Variants in ABHD2 observed in about 807,000 individuals in gnomAD.
ABHD2 encodes the protein abhydrolase domain containing 2, acylglycerol lipase.
Under a neutral mutation model 48.1 loss-of-function variants are expected in ABHD2, and 20 were observed. That is an observed-to-expected ratio of 0.42 (90% CI 0.29 to 0.60). ABHD2 has a LOEUF of 0.60. Ranked by LOEUF, ABHD2 falls within the 20% of genes least tolerant of loss-of-function variation. The pLI is 0.24. For synonymous variants in ABHD2, 209 were observed against 214.2 expected (o/e 0.98, Z 0.21); for missense variants, 405 against 550.9 (o/e 0.74, Z 2.65).
the ABHD2 span, among the ~76,000 whole-genome samples, chr15:89,044,693 A>G: frequency 6.6e-6 from 1 of 151,944 alleles, no homozygotes; most frequent in African/African-American, 2.4e-5. Context: ...TTGGCTGCAT[A>G]AATGTCTTCT....
At chr15:89,148,805 C>T (rs2050541072) in intron 3 of ABHD2, among the ~76,000 whole-genome samples, 1 of 152,234 alleles carries the variant, frequency 6.6e-6, no homozygotes, top group South Asian at 2.1e-4. Context: ...CGAACTACCA[C>T]ATAGATAGAA....
intron 3 of ABHD2, chr15:89,135,534 A>G: frequency 7.4e-7 from 1 of 1,351,942 alleles, no homozygotes; most frequent in East Asian, 2.3e-5. Context: ...AAACTACACT[A>G]GAACCAACTT....
intron 1 of ABHD2, among the ~76,000 whole-genome samples, chr15:89,099,254 A>G (rs2049662530): frequency 6.6e-6 from 1 of 152,238 alleles, no homozygotes; most frequent in Admixed American, 6.5e-5. Flanking sequence ...CGATAGAGCT[A>G]CACAAATAGG....
the ABHD2 span, among the ~76,000 whole-genome samples, chr15:89,043,454 G>GAGGAGGAGA: frequency 4.2e-3 from 599 of 143,904 alleles, 2 homozygotes; most frequent in Non-Finnish European, 4.7e-3. Context: ...GAAGGAGGAG[G>GAGGAGGAGA]AGGAGAAGGA....
In ABHD2 at chr15:89,151,654, G is replaced by A; in HGVS notation, c.195-23G>A. 1 of 1,584,392 alleles carries A rather than the reference G, an allele frequency of 6.3e-7. No individual in the cohort carries two copies. Among genetic ancestry groups the A allele is most frequent in the Non-Finnish European group, 8.6e-7 (1 of 1,162,800 alleles). On this transcript the variant is annotated intron_variant, in intron 3 of 10. Transcript: ENST00000352732. The surrounding 1 kb of genome is among the most constrained non-coding windows in gnomAD (Gnocchi z 4.7). ...TTGCTCAAGGAATGTAGAGAAAATTGACCTCCCTTGTCCTTTCTTTAGATA... is the reference window on the plus strand; with the variant it reads ...TTGCTCAAGGAATGTAGAGAAAATTAACCTCCCTTGTCCTTTCTTTAGATA...
chr15:89,088,511 C>G lies in ABHD2; in HGVS notation c.-159C>G, dbSNP rs960919529. On this transcript the variant is annotated 5_prime_UTR_variant, in exon 1 of 11. Transcript: ENST00000352732. The surrounding 1 kb of genome is among the most constrained non-coding windows in gnomAD (Gnocchi z 6.8). ...ATGAGCGCCGCTGGCAGCCGGGGAG[C>G]TGCAGGAACCAGACTGGGGGCGAGC... 6.5e-6 allele frequency: 1 copy of G among 152,688 alleles called. No homozygotes were observed. The highest frequency in any genetic ancestry group is 2.4e-5 in the African/African-American group (1 of 41,476). 9.5% of individuals were successfully genotyped at this position (152,688 alleles called of 1,614,324 possible).
At chr15:89,076,338 A>C in the ABHD2 span, among the ~76,000 whole-genome samples, 28 of 152,368 alleles carry the variant, frequency 1.8e-4, no homozygotes, top group South Asian at 4.8e-3. Context: ...CTTGTGGAGC[A>C]AATGCCAGAC....
chr15:89,150,203 A>G (rs529086802), intron 3 of ABHD2, among the ~76,000 whole-genome samples: 2 of 152,344 alleles, frequency 1.3e-5, no homozygotes, highest in Non-Finnish European at 1.5e-5. Flanking sequence ...CTTTTAATTT[A>G]TAAACAAAAT....
chr15:89,140,936 G>A (rs1445834709), intron 3 of ABHD2, among the ~76,000 whole-genome samples: 1 of 151,854 alleles, frequency 6.6e-6, no homozygotes, highest in African/African-American at 2.4e-5. Flanking sequence ...GGGATGCTCA[G>A]GGCATAACTT....
chr15:89,061,451 G>C, the ABHD2 span, among the ~76,000 whole-genome samples: 1 of 152,002 alleles, frequency 6.6e-6, no homozygotes, highest in Non-Finnish European at 1.5e-5. Context: ...ACTACCTACT[G>C]GGTACAATGT....
the ABHD2 span, among the ~76,000 whole-genome samples, chr15:89,043,423 C>G: frequency 6.8e-6 from 1 of 146,098 alleles, no homozygotes; most frequent in African/African-American, 2.5e-5. Flanking sequence ...AAGACCCTAT[C>G]TCTTTTTTAA....
At chr15:89,075,135 A>C in the ABHD2 span, among the ~76,000 whole-genome samples, 75 of 152,348 alleles carry the variant, frequency 4.9e-4, no homozygotes, top group African/African-American at 1.8e-3. This position sits in a 1 kb window ranked among gnomAD's most constrained non-coding sequence, Gnocchi z 4.1. Context: ...ACAAAGAGGA[A>C]TAAGTCACCC....
chr15:89,161,174 G>C (rs2050756565), intron 5 of ABHD2, among the ~76,000 whole-genome samples: 1 of 152,038 alleles, frequency 6.6e-6, no homozygotes, highest in African/African-American at 2.4e-5. Context: ...GTTTTTCAGA[G>C]CCACAGATAC....
At position 89,116,342 on chromosome 15, in the gene ABHD2, G is replaced by T; in HGVS notation, c.15G>T (p.Leu5=). 2 of 1,613,928 alleles carry T rather than the reference G, an allele frequency of 1.2e-6. No homozygotes were observed. The highest frequency in any genetic ancestry group is 1.7e-6 in the Non-Finnish European group (2 of 1,179,856). ...CCCAGATCAAGATGAATGCCATGCT[G>T]GAGACTCCCGAACTCCCAGCCGTGT... The part of the protein sequence containing the change: MNAM[L]ETPELPAVFD... Residue 5 remains leucine, a synonymous_variant, in exon 3 of 11, where the codon CTG becomes CTT. Coordinates refer to ENST00000352732, the MANE Select transcript of ABHD2 (RefSeq NM_152924.5). The surrounding 1 kb of genome is among the most constrained non-coding windows in gnomAD (Gnocchi z 4.6).
At chr15:89,162,576 C>T (rs1174008663) in intron 5 of ABHD2, among the ~76,000 whole-genome samples, 1 of 152,108 alleles carries the variant, frequency 6.6e-6, no homozygotes, top group Non-Finnish European at 1.5e-5. Context: ...TGCCCAGGTT[C>T]TGTTTGGAAG....
chr15:89,133,984 C>A (rs1043282318), intron 3 of ABHD2, among the ~76,000 whole-genome samples: 1 of 151,778 alleles, frequency 6.6e-6, no homozygotes, highest in Non-Finnish European at 1.5e-5. Flanking sequence ...CTACGGGTGC[C>A]TGCCACCACG....
chr15:89,150,273 C>T (rs968443976), intron 3 of ABHD2, among the ~76,000 whole-genome samples: 1 of 152,166 alleles, frequency 6.6e-6, no homozygotes, highest in African/African-American at 2.4e-5. Context: ...AGTCCTCTTC[C>T]TCTATGCAAA....
At chr15:89,086,400 ATTTATG>A (rs1037398571), upstream of ABHD2, among the ~76,000 whole-genome samples, 2 of 152,086 alleles carry the variant, frequency 1.3e-5, no homozygotes, top group African/African-American at 4.8e-5. Context: ...TGCTTTACTT[ATTTATG>A]TTTATCATGT....
Position 89,169,428 on chromosome 15 carries a change from G to A in ABHD2, c.539-6384G>A, listed in dbSNP as rs371884324. ...CATTCATTTAGGTAACACTGATTGA[G>A]TGCCCACCAAGTATCTGGCCTCACA... On this transcript the variant is annotated intron_variant, in intron 5 of 10. Transcript: ENST00000352732. Among the ~76,000 whole-genome samples, 35 of 152,318 alleles carry A rather than the reference G, an allele frequency of 2.3e-4. No individual in the cohort carries two copies. In the South Asian group the frequency reaches 6.0e-3, roughly 26 times the overall value.
Sources: gnomAD v4.1 joint callset for allele counts (sites outside exome capture counted in the v4.1 genomes callset) on GRCh38, gnomAD v4.1.1 for gene constraint, Gnocchi (gnomAD v3.1) non-coding constraint, MANE v1.5 for transcripts, NCBI Gene and HGNC (gene_info 2026-07-23, HGNC 2026-07-21) for gene names.